MSC: variants seen among roughly 807,000 people sequenced by gnomAD.
The protein encoded by MSC is activated B-cell factor 1, homolog of mouse musculin.
A neutral mutation model predicts 14.4 loss-of-function variants in MSC; 16 were observed. That is an observed-to-expected ratio of 1.11 (90% CI 0.75 to 1.69). The LOEUF is 1.69. Among genes scored for constraint, MSC ranks in the 40% most tolerant of loss-of-function variants. MSC has a pLI of 0.00. For synonymous variants in MSC, 165 were observed against 128.5 expected, an observed-to-expected ratio of 1.28 and a Z score of -1.92; for missense variants, 320 against 288.1, an observed-to-expected ratio of 1.11 and a Z score of -0.80.
At chr8:71,842,928 G>A (rs1422962338) in intron 1 of MSC, 181 bp from the exon 2 acceptor site, 5 of 601,696 alleles carry the variant, frequency 8.3e-6, no homozygotes, top group African/African-American at 1.9e-5. Context: ...TTGATAATCC[G>A]AGACTTGCCA....
chr8:71,842,655 T>C lies in MSC; in HGVS notation c.*6A>G, dbSNP rs1807407896. The C allele has an allele frequency of 6.2e-7, 1 of 1,613,808 alleles. No homozygotes were observed. The highest frequency in any genetic ancestry group is 8.5e-7 in the Non-Finnish European group (1 of 1,179,846). ...AATAATCCCATCAAGTGAGTTCCAGTCCGATTTAAGCGGTGGTTCCACATA... is the reference window on the plus strand; with the variant it reads ...AATAATCCCATCAAGTGAGTTCCAGCCCGATTTAAGCGGTGGTTCCACATA... On this transcript the variant is annotated 3_prime_UTR_variant, in exon 2 of 2. Coordinates refer to ENST00000325509, the MANE Select transcript of MSC (RefSeq NM_005098.4).
At position 71,842,350 on chromosome 8, in the gene MSC, G is replaced by A. The variant is rs991560434; in HGVS notation, c.*311C>T. On this transcript the variant is annotated 3_prime_UTR_variant, in exon 2 of 2. Transcript: ENST00000325509. ...TCCGTGGGCTGTCTGGCGCGGGCTG[G>A]GGCAGCAGCCGAGAGTTAGTCTACA... is the stretch of plus-strand genomic sequence containing the variant. 45 of 368,306 alleles carry A rather than the reference G, an allele frequency of 1.2e-4. No individual in the cohort carries two copies. Among genetic ancestry groups the A allele is most frequent in the Middle Eastern group, 8.9e-4 (1 of 1,128 alleles). 22.8% of individuals were successfully genotyped at this position (368,306 alleles called of 1,614,324 possible). A position where few individuals can be genotyped will look rare whatever the true frequency, so the allele number is the denominator to read the frequency against.
chr8:71,842,545 G>A lies in MSC; in HGVS notation c.*116C>T. 2.0e-6 allele frequency: 2 copies of A among 980,048 alleles called. No individual in the cohort carries two copies. Among genetic ancestry groups the A allele is most frequent in the Non-Finnish European group, 3.3e-6 (2 of 610,724 alleles). 60.7% of individuals were successfully genotyped at this position (980,048 alleles called of 1,614,324 possible). A position where few individuals can be genotyped will look rare whatever the true frequency, so the allele number is the denominator to read the frequency against. On this transcript the variant is annotated 3_prime_UTR_variant, in exon 2 of 2. Coordinates refer to ENST00000325509, the MANE Select transcript of MSC (RefSeq NM_005098.4). ...GATCACAGTTCCAGGGAAAGGGGAAGGGTCAAGGAGAATCCAGCGGAAACT... is the reference window on the plus strand; with the variant it reads ...GATCACAGTTCCAGGGAAAGGGGAAAGGTCAAGGAGAATCCAGCGGAAACT...
At position 71,842,631 on chromosome 8, in the gene MSC, A is replaced by C; in HGVS notation, c.*30T>G. ...GCCCCCAAACACTCGCATTTAACGAATAATCCCATCAAGTGAGTTCCAGTC... is the reference window on the plus strand; with the variant it reads ...GCCCCCAAACACTCGCATTTAACGACTAATCCCATCAAGTGAGTTCCAGTC... On this transcript the variant is annotated 3_prime_UTR_variant, in exon 2 of 2. Coordinates refer to ENST00000325509, the MANE Select transcript of MSC (RefSeq NM_005098.4). 6.2e-7 allele frequency: 1 copy of C among 1,608,178 alleles called. No individual in the cohort carries two copies. Among genetic ancestry groups the C allele is most frequent in the South Asian group, 1.1e-5 (1 of 90,954 alleles).
chr8:71,843,488 C>T (rs1164308577), intron 1 of MSC, 157 bp downstream of exon 1: 1 of 933,960 alleles, frequency 1.1e-6, no homozygotes, highest in South Asian at 1.4e-5. Flanking sequence ...TGGCCACTCC[C>T]TTGATTTGGG....
chr8:71,844,364 G>T lies in MSC; in HGVS notation c.-186C>A. The T allele has an allele frequency of 1.2e-6, 1 of 834,908 alleles. No individual in the cohort carries two copies. Among genetic ancestry groups the T allele is most frequent in the African/African-American group, 1.7e-5 (1 of 59,848 alleles). The allele number at this position is 834,908 out of a possible 1,614,324, so 51.7% of individuals were successfully genotyped here. On this transcript the variant is annotated 5_prime_UTR_variant, in exon 1 of 2. Transcript: ENST00000325509. The stretch of plus-strand genomic sequence containing the variant: ...GCGAGAGCGTGAGCGCCCCTCTGCT[G>T]ACCCCGGGGAGCGTGGACTACGAGT...
chr8:71,842,616 A>T lies in MSC; in HGVS notation c.*45T>A. On this transcript the variant is annotated 3_prime_UTR_variant, in exon 2 of 2. Coordinates refer to ENST00000325509, the MANE Select transcript of MSC (RefSeq NM_005098.4). The stretch of plus-strand genomic sequence containing the variant: ...TCCCTTCTCTCCGTGGCCCCCAAAC[A>T]CTCGCATTTAACGAATAATCCCATC... 6.3e-6 allele frequency: 10 copies of T among 1,579,406 alleles called. No individual in the cohort carries two copies. Among genetic ancestry groups the T allele is most frequent in the Non-Finnish European group, 8.7e-6 (10 of 1,148,794 alleles).
At position 71,842,498 on chromosome 8, in the gene MSC, A is replaced by T; in HGVS notation, c.*163T>A. 1 of 749,642 alleles carries T rather than the reference A, an allele frequency of 1.3e-6. No individual in the cohort carries two copies. The highest frequency in any genetic ancestry group is 2.4e-6 in the Non-Finnish European group (1 of 425,268). 46.4% of individuals were successfully genotyped at this position (749,642 alleles called of 1,614,324 possible). ...GTAGCCGTGGGCGCTGTGCAGTGAC[A>T]GCCACACCCGCCACCTGTCACGATC... On this transcript the variant is annotated 3_prime_UTR_variant, in exon 2 of 2. Transcript: ENST00000325509.
At position 71,842,387 on chromosome 8, in the gene MSC, C is replaced by G; in HGVS notation, c.*274G>C. 1 of 431,794 alleles carries G rather than the reference C, an allele frequency of 2.3e-6. No homozygotes were observed. Among genetic ancestry groups the G allele is most frequent in the African/African-American group, 2.0e-5 (1 of 49,554 alleles). The allele number at this position is 431,794 out of a possible 1,614,324, so 26.7% of individuals were successfully genotyped here. On this transcript the variant is annotated 3_prime_UTR_variant, in exon 2 of 2. Transcript: ENST00000325509. ...AGAGTTAGTCTACAGAGCTAGGGCC[C>G]GAGGGTGGACCTGCGTCCGCGTCTC...
chr8:71,843,273 G>T, intron 1 of MSC: 1 of 389,450 alleles, frequency 2.6e-6, no homozygotes, highest in Non-Finnish European at 4.8e-6. Flanking sequence ...CTTTAAGAAA[G>T]GGCTTGCCGA....
At position 71,843,935 on chromosome 8, in the gene MSC, C is replaced by T; in HGVS notation, c.244G>A (p.Gly82Ser). 2 of 1,565,028 alleles carry T rather than the reference C, an allele frequency of 1.3e-6. No homozygotes were observed. The highest frequency in any genetic ancestry group is 1.7e-6 in the Non-Finnish European group (2 of 1,157,356). Residue 82 changes from glycine (G) to serine (S), a missense_variant, in exon 1 of 2, where the codon GGC becomes AGC. Transcript: ENST00000325509. Reference protein sequence around the residue: ...RKRPRVAGGGGAGGSAGGGGK... With the variant: ...RKRPRVAGGGSAGGSAGGGGK... ...CCACCGCCCGCGCTACCACCTGCGC[C>T]GCCGCCCCCAGCCACACGGGGCCGC...
Position 71,842,501 on chromosome 8 carries a change from C to A in MSC, c.*160G>T, listed in dbSNP as rs1585712730. 3 of 763,040 alleles carry A rather than the reference C, an allele frequency of 3.9e-6. No homozygotes were observed. The highest frequency in any genetic ancestry group is 6.9e-6 in the Non-Finnish European group (3 of 436,244). The allele number at this position is 763,040 out of a possible 1,614,324, so 47.3% of individuals were successfully genotyped here. ...GCCGTGGGCGCTGTGCAGTGACAGC[C>A]ACACCCGCCACCTGTCACGATCACA... On this transcript the variant is annotated 3_prime_UTR_variant, in exon 2 of 2. Transcript: ENST00000325509.
At chr8:71,843,555 C>A in intron 1 of MSC, 90 bp downstream of exon 1, 1 of 1,571,276 alleles carries the variant, frequency 6.4e-7, no homozygotes, top group Non-Finnish European at 8.7e-7. Context: ...CTTTCGAATT[C>A]TTCCCAACGG....
rs753728260 is a variant in MSC at position 71,844,106 on chromosome 8, C to T, written c.73G>A (p.Ala25Thr). ...CCGCGGAGGGGCGGCCTCTTGGAGG[C>T]GGGGACCGGGTACTCCCGCTGCAGC... ...RGLQREYPVPASKRPPLRGVE... is the reference protein window; with the variant it reads ...RGLQREYPVPTSKRPPLRGVE... Residue 25 changes from alanine to threonine, a missense_variant, in exon 1 of 2, where the codon GCC (alanine) becomes ACC (threonine). Ala to Thr is a moderately conservative substitution (Grantham distance 58). Transcript: ENST00000325509. 1 of 1,521,666 alleles carries T rather than the reference C, an allele frequency of 6.6e-7. No homozygotes were observed. The highest frequency in any genetic ancestry group is 2.3e-5 in the East Asian group (1 of 44,010). 94.3% of individuals were successfully genotyped at this position (1,521,666 alleles called of 1,614,324 possible). A position where few individuals can be genotyped will look rare whatever the true frequency, so the allele number is the denominator to read the frequency against.
Position 71,842,575 on chromosome 8 carries a change from C to A in MSC, c.*86G>T, listed in dbSNP as rs1807406025. The stretch of plus-strand genomic sequence containing the variant: ...AAGGAGAATCCAGCGGAAACTTCTT[C>A]CCATCTCACGAGCTCTCCCTTCTCT... On this transcript the variant is annotated 3_prime_UTR_variant, in exon 2 of 2. Transcript: ENST00000325509. 1.6e-6 allele frequency: 2 copies of A among 1,278,454 alleles called. No homozygotes were observed. The highest frequency in any genetic ancestry group is 2.4e-5 in the South Asian group (2 of 84,006). The allele number at this position is 1,278,454 out of a possible 1,614,324, so 79.2% of individuals were successfully genotyped here. A position where few individuals can be genotyped will look rare whatever the true frequency, so the allele number is the denominator to read the frequency against.
At chr8:71,843,447 C>A (rs1318151082) in intron 1 of MSC, 198 bp downstream of exon 1, 1 of 724,350 alleles carries the variant, frequency 1.4e-6, no homozygotes, top group Admixed American at 2.0e-5. Flanking sequence ...CAAACAGACA[C>A]GGAGGGTTGA....
At chr8:71,843,499 A>G in intron 1 of MSC, 146 bp downstream of exon 1, 1 of 1,004,006 alleles carries the variant, frequency 1.0e-6, no homozygotes, top group Non-Finnish European at 1.5e-6. Flanking sequence ...TTGATTTGGG[A>G]GAAACTAAAC....
intron 1 of MSC, 54 bp downstream of exon 1, chr8:71,843,591 C>T (rs762056070): frequency 2.5e-6 from 4 of 1,611,770 alleles, no homozygotes; most frequent in Non-Finnish European, 3.4e-6. Flanking sequence ...CGCCCAGGAG[C>T]GCCCTGGGTA....
Position 71,843,579 on chromosome 8 carries a change from G to T in MSC, c.534+66C>A, listed in dbSNP as rs10101759. 8.0e-3 allele frequency: 12,933 copies of T among 1,610,056 alleles called. 914 individuals are homozygous for T. The African/African-American group carries it at 0.15, about 18-fold the overall frequency. On this transcript the variant is annotated intron_variant, in intron 1 of 1. Coordinates refer to ENST00000325509, the MANE Select transcript of MSC (RefSeq NM_005098.4). ...TCTTCCCAACGGGCTGACCCTGCCC[G>T]GCGCCCAGGAGCGCCCTGGGTATCT...
Sources: allele counts gnomAD v4.1 joint callset, GRCh38; gene constraint gnomAD v4.1.1; transcripts MANE v1.5; gene names NCBI Gene and HGNC (gene_info 2026-07-23, HGNC 2026-07-21).